The following NLRC4 variants were observed in gnomAD, a reference collection of about 807,000 sequenced individuals.
The protein encoded by NLRC4 is NLR family CARD domain containing 4.
NLRC4 carries 63 observed loss-of-function variants against 79.9 expected under a neutral mutation model. That is an observed-to-expected ratio of 0.79 (90% CI 0.64 to 0.97). NLRC4 has a LOEUF of 0.97. Among genes scored for constraint, NLRC4 ranks in the 50% least tolerant of loss-of-function variants. NLRC4 has a pLI of 0.00. For synonymous variants in NLRC4, 461 were observed against 456.5 expected, an observed-to-expected ratio of 1.01 and a Z score of -0.12; for missense variants, 1,074 against 1,215.2, an observed-to-expected ratio of 0.88 and a Z score of 1.73.
At chr2:32,233,320 A>AATATATATATATATATAT (rs1257781417) in intron 8 of NLRC4, among the ~76,000 whole-genome samples, 10 of 67,226 alleles carry the variant, frequency 1.5e-4, no homozygotes, top group African/African-American at 4.1e-4. Flanking sequence ...AGAAATTTTA[A>AATATATATATATATATAT]ATATATATAT....
rs538030157 is a variant in NLRC4, at chr2:32,254,142, T to G, written c.2-1463A>C. Among the ~76,000 whole-genome samples the G allele has an allele frequency of 5.9e-4, 90 of 151,878 alleles. 2 individuals carry two copies. In the South Asian group the frequency reaches 0.018, roughly 31 times the overall value. ...ACTGGCTAACAAAAATCCTGAAAAT[T>G]CAATAATCAGGTTTCACATCACAGT... is the stretch of plus-strand genomic sequence containing the variant. On this transcript the variant is annotated intron_variant, in intron 2 of 8. Transcript: ENST00000402280.
Position 32,252,457 on chromosome 2 carries a change from T to C in NLRC4, c.224A>G (p.Glu75Gly). ...SCNLFLKSLK[E>G]WNYPLFQDLN... is the part of the protein sequence containing the mutation. ...GTCCTGAAATAGAGGATAGTTCCAC[T>C]CCTTAAGGGATTTAAGAAAGAGGTT... The change falls in exon 3 of 9, where the codon GAG (glutamate) becomes GGG (glycine). Residue 75 changes from glutamate to glycine, a missense_variant. Physicochemically the swap from Glu to Gly is moderately conservative, Grantham distance 98. Transcript: ENST00000402280. The C allele has an allele frequency of 1.2e-6, 2 of 1,611,176 alleles. No individual in the cohort carries two copies. Among genetic ancestry groups the C allele is most frequent in the Non-Finnish European group, 8.5e-7 (1 of 1,177,218 alleles).
chr2:32,233,349 A>ATAT lies in NLRC4; in HGVS notation c.2782+2051_2782+2052insATA, dbSNP rs1418146489. ...TATATATATATATATATATATATAT[A>ATAT]TTTTTTTTTTTTTTTTTTTAATTGT... is the stretch of plus-strand genomic sequence containing the variant. On this transcript the variant is annotated intron_variant, in intron 8 of 8. Coordinates refer to ENST00000402280, the MANE Select transcript of NLRC4 (RefSeq NM_001199138.2). Among the ~76,000 whole-genome samples, 101 of 41,102 alleles carry ATAT rather than the reference A, an allele frequency of 2.5e-3. 1 individual carries two copies. The highest frequency in any genetic ancestry group is 4.5e-3 in the African/African-American group (47 of 10,482). The allele number at this position is 41,102 out of a possible 152,430, so 27.0% of individuals were successfully genotyped here.
chr2:32,263,231 A>C (rs1687393978), intron 1 of NLRC4, among the ~76,000 whole-genome samples: 1 of 152,188 alleles, frequency 6.6e-6, no homozygotes, highest in African/African-American at 2.4e-5. Flanking sequence ...TTGGCATTGC[A>C]GATCTGAATT....
chr2:32,230,797 C>T (rs891655251), intron 8 of NLRC4, among the ~76,000 whole-genome samples: 2 of 152,108 alleles, frequency 1.3e-5, no homozygotes, highest in African/African-American at 2.4e-5. Flanking sequence ...AAGAGAGTTG[C>T]TGGGTCATAT....
chr2:32,255,493 C>CT (rs1687185486), intron 2 of NLRC4, among the ~76,000 whole-genome samples: 1 of 145,818 alleles, frequency 6.9e-6, no homozygotes, highest in Non-Finnish European at 1.5e-5. Flanking sequence ...GCACTCCAGC[C>CT]TGGGCAACAA....
intron 8 of NLRC4, among the ~76,000 whole-genome samples, chr2:32,233,832 T>A (rs1686610338): frequency 6.6e-6 from 1 of 152,200 alleles, no homozygotes; most frequent in South Asian, 2.1e-4. Context: ...CTGATGTTTC[T>A]TTGTTGATTC....
intron 8 of NLRC4, among the ~76,000 whole-genome samples, chr2:32,226,369 C>T (rs1347583377): frequency 6.6e-6 from 1 of 152,198 alleles, no homozygotes. Context: ...GCTTTTATCA[C>T]CATCATAAGG....
intron 4 of NLRC4, among the ~76,000 whole-genome samples, chr2:32,244,415 A>T (rs1347462085): frequency 6.6e-6 from 1 of 152,202 alleles, no homozygotes; most frequent in Non-Finnish European, 1.5e-5. Context: ...CCTACAAGAA[A>T]ACTACATTTA....
At chr2:32,254,640 C>G (rs76105852) in intron 2 of NLRC4, among the ~76,000 whole-genome samples, 12,137 of 124,866 alleles carry the variant, frequency 0.097, 631 homozygotes, top group Middle Eastern at 0.2. Context: ...TTTTTTCAGA[C>G]GAAGTTTCAC....
intron 8 of NLRC4, among the ~76,000 whole-genome samples, chr2:32,232,135 A>G (rs931145902): frequency 5.3e-5 from 8 of 152,168 alleles, no homozygotes; most frequent in Admixed American, 4.6e-4. Context: ...TCGTCATGTC[A>G]TATCTAGGTA....
intron 8 of NLRC4, among the ~76,000 whole-genome samples, chr2:32,233,696 G>A (rs1232009964): frequency 6.6e-6 from 1 of 152,084 alleles, no homozygotes; most frequent in Non-Finnish European, 1.5e-5. Context: ...GACTTATTTT[G>A]TGGCCTAACA....
At chr2:32,259,696 G>A (rs1331266781) in intron 1 of NLRC4, among the ~76,000 whole-genome samples, 2 of 152,036 alleles carry the variant, frequency 1.3e-5, no homozygotes, top group African/African-American at 4.8e-5. Context: ...CCTCTCCTTA[G>A]TATCCTATGC....
At chr2:32,247,919 A>T (rs970492626) in intron 4 of NLRC4, among the ~76,000 whole-genome samples, 1 of 152,162 alleles carries the variant, frequency 6.6e-6, no homozygotes, top group African/African-American at 2.4e-5. Flanking sequence ...AGAAACAGAA[A>T]ATCAAATACC....
intron 8 of NLRC4, among the ~76,000 whole-genome samples, chr2:32,234,798 C>A (rs919210940): frequency 4.6e-5 from 7 of 152,238 alleles, no homozygotes; most frequent in African/African-American, 1.7e-4. Flanking sequence ...CAGAGCTAAC[C>A]TGCTAAACTC....
chr2:32,241,021 C>G lies in NLRC4; in HGVS notation c.2350+12G>C, dbSNP rs201505739. ...ACTTACATTGATACAAATATGAGAA[C>G]AGAAATCTGACCTAGTTTTATAGCA... On this transcript the variant is annotated intron_variant, in intron 5 of 8. Coordinates refer to ENST00000402280, the MANE Select transcript of NLRC4 (RefSeq NM_001199138.2). The G allele has an allele frequency of 6.7e-6, 10 of 1,493,964 alleles. No individual in the cohort carries two copies. The African/African-American group carries it at 1.4e-4, about 21-fold the overall frequency. 92.5% of individuals were successfully genotyped at this position (1,493,964 alleles called of 1,614,324 possible). A position where few individuals can be genotyped will look rare whatever the true frequency, so the allele number is the denominator to read the frequency against.
At chr2:32,245,425 T>C (rs1686912491) in intron 4 of NLRC4, among the ~76,000 whole-genome samples, 1 of 149,384 alleles carries the variant, frequency 6.7e-6, no homozygotes, top group African/African-American at 2.5e-5. Context: ...GATCTAAAAA[T>C]CAAAACAATT....
chr2:32,255,888 C>T (rs1306000495), intron 2 of NLRC4, among the ~76,000 whole-genome samples: 2 of 151,964 alleles, frequency 1.3e-5, no homozygotes, highest in African/African-American at 4.8e-5. Context: ...GTGGCACGCG[C>T]CTGTGGTCCC....
In NLRC4 at chr2:32,261,316, C is replaced by CCTTTTTTTTTTTTTTTTTTTTTTTTT; in HGVS notation, c.-119+3421_-119+3422insAAAAAAAAAAAAAAAAAAAAAAAAAG. ...TTCTTTCGCCTATTAAGCCTCCCCC[C>CCTTTTTTTTTTTTTTTTTTTTTTTTT]TTTTGTTTTTTTTTGAGATGGAGCC... On this transcript the variant is annotated intron_variant, in intron 1 of 8. Transcript: ENST00000402280. Among the ~76,000 whole-genome samples, 64 of 96,920 alleles carry CCTTTTTTTTTTTTTTTTTTTTTTTTT rather than the reference C, an allele frequency of 6.6e-4. 1 individual carries two copies. The highest frequency in any genetic ancestry group is 1.9e-3 in the African/African-American group (45 of 24,220). The allele number at this position is 96,920 out of a possible 152,430, so 63.6% of individuals were successfully genotyped here.
Sources: allele counts gnomAD v4.1 joint callset (sites outside exome capture counted in the v4.1 genomes callset), GRCh38; gene constraint gnomAD v4.1.1; transcripts MANE v1.5; gene names NCBI Gene and HGNC (gene_info 2026-07-23, HGNC 2026-07-21).